Variants in RBM27 observed in about 807,000 individuals in gnomAD.
RBM27 encodes the protein RNA-binding protein 27.
A neutral mutation model predicts 135.3 loss-of-function variants in RBM27; 22 were observed. The observed-to-expected ratio is 0.16, with a 90% confidence interval of 0.12 to 0.23. RBM27 has a LOEUF of 0.23. Ranked by LOEUF, RBM27 falls within the 10% of genes least tolerant of loss-of-function variation. RBM27 has a pLI of 1.00. For missense variants in RBM27, 1,009 were observed against 1,281.0 expected (o/e 0.79, Z 3.24); for synonymous variants, 481 against 442.4 (o/e 1.09, Z -1.10).
intron 3 of RBM27, among the ~76,000 whole-genome samples, chr5:146,228,352 G>A (rs1384570174): frequency 6.7e-6 from 1 of 148,634 alleles, no homozygotes; most frequent in African/African-American, 2.5e-5. Context: ...CGTGATCTCG[G>A]CTCACTGCAA....
At chr5:146,222,779 T>C (rs1756511718) in intron 2 of RBM27, among the ~76,000 whole-genome samples, 1 of 152,232 alleles carries the variant, frequency 6.6e-6, no homozygotes, top group Admixed American at 6.5e-5. Flanking sequence ...TGAGGAAGTT[T>C]CAAACAGAGC....
At chr5:146,243,230 C>T (rs1757483370) in intron 8 of RBM27, among the ~76,000 whole-genome samples, 2 of 152,060 alleles carry the variant, frequency 1.3e-5, no homozygotes, top group South Asian at 2.1e-4. Context: ...TGCGCCATTG[C>T]ACTCTAGCCT....
chr5:146,216,860 A>G (rs1756216570), intron 1 of RBM27, among the ~76,000 whole-genome samples: 1 of 151,814 alleles, frequency 6.6e-6, no homozygotes, highest in Non-Finnish European at 1.5e-5. Context: ...ATCTCGCTAT[A>G]TTGCCCAAGC....
intron 19 of RBM27, among the ~76,000 whole-genome samples, chr5:146,277,545 CG>C (rs1216305446): frequency 8.3e-6 from 1 of 120,498 alleles, no homozygotes; most frequent in South Asian, 2.6e-4. Flanking sequence ...TTTTTTGAGA[CG>C]GAGTCTTGCT....
chr5:146,272,562 A>C (rs1259029364), intron 19 of RBM27, among the ~76,000 whole-genome samples: 1 of 152,038 alleles, frequency 6.6e-6, no homozygotes, highest in African/African-American at 2.4e-5. Flanking sequence ...TCTCTACTAA[A>C]AATACAAAAA....
At position 146,251,954 on chromosome 5, in the gene RBM27, A is replaced by C. The variant is rs1757909083; in HGVS notation, c.1444+79A>C. 2.1e-6 allele frequency: 3 copies of C among 1,427,940 alleles called. No homozygotes were observed. In the African/African-American group the frequency reaches 4.2e-5, roughly 20 times the overall value. 88.5% of individuals were successfully genotyped at this position (1,427,940 alleles called of 1,614,324 possible). A position where few individuals can be genotyped will look rare whatever the true frequency, so the allele number is the denominator to read the frequency against. On this transcript the variant is annotated intron_variant, in intron 9 of 20. Transcript: ENST00000265271. ...TGGCCAGTCTAAGCGGTGACCTGGC[A>C]TCCTGATCTGCTGTTACAAAGTCCC...
chr5:146,204,856 TG>T (rs1755557382), intron 1 of RBM27, among the ~76,000 whole-genome samples: 1 of 152,168 alleles, frequency 6.6e-6, no homozygotes, highest in Admixed American at 6.5e-5. Context: ...GAAATGTTAT[TG>T]GGAGGCTTGA....
chr5:146,274,892 T>G (rs567373924), intron 19 of RBM27, among the ~76,000 whole-genome samples: 1 of 151,956 alleles, frequency 6.6e-6, no homozygotes, highest in African/African-American at 2.4e-5. Flanking sequence ...TTTAGGTTTT[T>G]TGTGAGGAGA....
At position 146,210,249 on chromosome 5, in the gene RBM27, T is replaced by A. The variant is rs193099499; in HGVS notation, c.59+6425T>A. On this transcript the variant is annotated intron_variant, in intron 1 of 20. Transcript: ENST00000265271. ...ATATGTATATACAGGTAATTGACAATTAGAAAAGTAAGAATTTTTTAGTAG... is the reference window on the plus strand; with the variant it reads ...ATATGTATATACAGGTAATTGACAAATAGAAAAGTAAGAATTTTTTAGTAG... Among the ~76,000 whole-genome samples the A allele has an allele frequency of 1.4e-4, 22 of 152,268 alleles. No individual in the cohort carries two copies. The East Asian group carries it at 3.5e-3, about 24-fold the overall frequency.
chr5:146,276,074 T>C (rs942069851), intron 19 of RBM27, among the ~76,000 whole-genome samples: 1 of 152,102 alleles, frequency 6.6e-6, no homozygotes, highest in African/African-American at 2.4e-5. Context: ...GCTAGTTTTT[T>C]TTTCTTTTTT....
chr5:146,231,115 G>A (rs554929071), intron 6 of RBM27, among the ~76,000 whole-genome samples, 198 bp downstream of exon 6: 1 of 151,998 alleles, frequency 6.6e-6, no homozygotes, highest in South Asian at 2.1e-4. Context: ...TCCATCTCCC[G>A]GGTTCAAGCG....
At chr5:146,248,413 G>T (rs1376677795) in intron 8 of RBM27, among the ~76,000 whole-genome samples, 1 of 151,964 alleles carries the variant, frequency 6.6e-6, no homozygotes, top group Non-Finnish European at 1.5e-5. Flanking sequence ...AGACTCAGTA[G>T]GAATTGTTTA....
rs1758486105 is a variant in RBM27 at position 146,263,568 on chromosome 5, T to G, written c.2268T>G (p.Gly756=). Residue 756 remains glycine, a synonymous_variant, in exon 14 of 21, where the codon GGT becomes GGG. Coordinates refer to ENST00000265271, the MANE Select transcript of RBM27 (RefSeq NM_018989.2). ...TTAAACATCGTCTTGGACATGCAGG[T>G]GGTAACCAGAGTGATGCATCACATT... ...VPVKHRLGHA[G]GNQSDASHLL... The G allele has an allele frequency of 4.3e-6, 7 of 1,614,152 alleles. No individual in the cohort carries two copies. The highest frequency in any genetic ancestry group is 5.9e-6 in the Non-Finnish European group (7 of 1,180,004).
chr5:146,233,820 C>A, intron 7 of RBM27, 77 bp downstream of exon 7: 2 of 1,009,430 alleles, frequency 2.0e-6, no homozygotes, highest in Non-Finnish European at 2.7e-6. Context: ...ACTTGACACT[C>A]GTTTAAAGTG....
chr5:146,251,348 C>G (rs1757875591), intron 8 of RBM27, among the ~76,000 whole-genome samples: 1 of 152,064 alleles, frequency 6.6e-6, no homozygotes, highest in African/African-American at 2.4e-5. Flanking sequence ...CTGCATATCT[C>G]ATTGGATAGA....
chr5:146,269,794 A>G (rs925382417), intron 17 of RBM27, among the ~76,000 whole-genome samples: 15 of 133,374 alleles, frequency 1.1e-4, no homozygotes, highest in Non-Finnish European at 2.0e-4. Context: ...TATATTGCCC[A>G]GGTTGGCCTC....
intron 2 of RBM27, among the ~76,000 whole-genome samples, chr5:146,221,292 G>A (rs992561609): frequency 6.6e-6 from 1 of 152,144 alleles, no homozygotes; most frequent in African/African-American, 2.4e-5. Flanking sequence ...TAAAATCACT[G>A]TTATCAGCTT....
chr5:146,264,413 C>T (rs916582980), intron 14 of RBM27, among the ~76,000 whole-genome samples: 2 of 152,072 alleles, frequency 1.3e-5, no homozygotes, highest in Admixed American at 1.3e-4. Flanking sequence ...GAACTCCGAC[C>T]TTAGGTGATC....
chr5:146,271,381 C>G, intron 18 of RBM27, 102 bp from the exon 19 acceptor site: 1 of 1,103,260 alleles, frequency 9.1e-7, no homozygotes, highest in Non-Finnish European at 1.3e-6. Flanking sequence ...GCCTAGGCAA[C>G]GAGAGTGAAA....
Sources: allele counts gnomAD v4.1 joint callset (sites outside exome capture counted in the v4.1 genomes callset), GRCh38; gene constraint gnomAD v4.1.1; transcripts MANE v1.5; gene names NCBI Gene and HGNC (gene_info 2026-07-23, HGNC 2026-07-21).